Variants in CCDC39 observed in about 807,000 individuals in gnomAD.
The protein encoded by CCDC39 is coiled-coil domain-containing protein 39.
Under a neutral mutation model 121.0 loss-of-function variants are expected in CCDC39, and 113 were observed. The observed-to-expected ratio is 0.93, with a 90% CI of 0.80 to 1.09. The LOEUF (loss-of-function observed/expected upper bound fraction) is 1.09. Ranked by LOEUF, CCDC39 falls within the 50% of genes least tolerant of loss-of-function variation. The probability of loss-of-function intolerance (pLI) is 0.00; values close to 1 mark genes in which losing one functional copy is unlikely to be tolerated. For missense variants in CCDC39, 1,063 were observed against 1,074.7 expected (o/e 0.99, Z 0.15); for synonymous variants, 349 against 352.2 (o/e 0.99, Z 0.10).
chr3:180,637,149 C>T (rs1244118060), intron 13 of CCDC39, among the ~76,000 whole-genome samples: 4 of 152,042 alleles, frequency 2.6e-5, no homozygotes, highest in South Asian at 2.1e-4. Flanking sequence ...AGACAACCTA[C>T]AAAATGGGAG....
chr3:180,648,907 G>C (rs1411109535), intron 9 of CCDC39, among the ~76,000 whole-genome samples: 1 of 152,138 alleles, frequency 6.6e-6, no homozygotes. Context: ...ACTAAAGGCA[G>C]AGTTGGGAAG....
chr3:180,655,077 AT>A, intron 6 of CCDC39, 124 bp from the exon 7 acceptor site: 1 of 541,446 alleles, frequency 1.8e-6, no homozygotes, highest in Non-Finnish European at 3.0e-6. Context: ...CTTAGAAGAC[AT>A]TTTTAAATAC....
chr3:180,624,871 T>C (rs1237140420), intron 14 of CCDC39, among the ~76,000 whole-genome samples: 7 of 152,192 alleles, frequency 4.6e-5, no homozygotes, highest in Non-Finnish European at 7.4e-5. Context: ...ATAAGATTTC[T>C]GCTGAGAAGT....
chr3:180,623,951 G>A (rs1162678749), intron 14 of CCDC39, among the ~76,000 whole-genome samples: 12 of 151,968 alleles, frequency 7.9e-5, no homozygotes, highest in Non-Finnish European at 1.8e-4. Flanking sequence ...CGTCCATTTG[G>A]TCTAAAGCCC....
chr3:180,652,157 TCTTAC>T lies in CCDC39; in HGVS notation c.1034+1_1034+5del. The T allele has an allele frequency of 7.0e-7, 1 of 1,419,708 alleles. No homozygotes were observed. Among genetic ancestry groups the T allele is most frequent in the Non-Finnish European group, 9.5e-7 (1 of 1,047,212 alleles). The allele number at this position is 1,419,708 out of a possible 1,614,324, so 87.9% of individuals were successfully genotyped here. ...CATAAACATATTTAGATAGTTTTTT[TCTTAC>T]CTTGCTGTTTCTTCATGAATGTCCT... On this transcript the variant is annotated splice_donor_variant and splice_donor_5th_base_variant and intron_variant, in intron 8 of 19. Transcript: ENST00000476379. LOFTEE classifies it high-confidence loss of function.
intron 16 of CCDC39, 88 bp from the exon 17 acceptor site, chr3:180,617,054 T>G (rs1717274717): frequency 2.6e-6 from 2 of 757,192 alleles, no homozygotes; most frequent in Non-Finnish European, 4.0e-6. Flanking sequence ...TTAATTTTAA[T>G]TCATTTATTT....
chr3:180,636,686 C>A (rs1205223734), intron 13 of CCDC39, among the ~76,000 whole-genome samples: 1 of 152,144 alleles, frequency 6.6e-6, no homozygotes, highest in East Asian at 1.9e-4. Context: ...TCGAAGTACA[C>A]TACAGGGCTA....
chr3:180,658,466 C>T (rs1031594591), intron 6 of CCDC39, among the ~76,000 whole-genome samples: 8 of 151,164 alleles, frequency 5.3e-5, no homozygotes, highest in East Asian at 3.9e-4. Flanking sequence ...GGCATGGTGG[C>T]GGGCACCTGT....
At chr3:180,634,913 GT>G (rs1412093255) in intron 13 of CCDC39, among the ~76,000 whole-genome samples, 1 of 152,104 alleles carries the variant, frequency 6.6e-6, no homozygotes, top group East Asian at 1.9e-4. Flanking sequence ...AAAGAAATCT[GT>G]TGACTGTACT....
At chr3:180,618,958 G>A (rs1182700411) in intron 16 of CCDC39, among the ~76,000 whole-genome samples, 1 of 152,038 alleles carries the variant, frequency 6.6e-6, no homozygotes, top group Non-Finnish European at 1.5e-5. Flanking sequence ...CAATCTTAAT[G>A]TGATCTTTAA....
intron 6 of CCDC39, 26 bp from the exon 7 acceptor site, chr3:180,654,979 T>G: frequency 7.3e-7 from 1 of 1,374,314 alleles, no homozygotes. Context: ...ATATGTTTAC[T>G]TAAATATATG....
rs1283265340 is a variant in CCDC39 at position 180,631,448 on chromosome 3, CTG to C, written c.1998+19_1998+20del. 1.3e-6 allele frequency: 2 copies of C among 1,588,128 alleles called. No individual in the cohort carries two copies. Among genetic ancestry groups the C allele is most frequent in the East Asian group, 2.2e-5 (1 of 44,740 alleles). On this transcript the variant is annotated intron_variant, in intron 14 of 19. Coordinates refer to ENST00000476379, the MANE Select transcript of CCDC39 (RefSeq NM_181426.2). ...CAAAGAAAATTTCATACCATCACAA[CTG>C]TGAATCAATTAAAATTACCTTTATT...
chr3:180,673,231 T>G (rs1020158054), intron 1 of CCDC39, among the ~76,000 whole-genome samples: 2 of 152,238 alleles, frequency 1.3e-5, no homozygotes, highest in Non-Finnish European at 2.9e-5. Context: ...TATTGGAGAA[T>G]TGACTCCACC....
chr3:180,637,837 C>A (rs1229359980), intron 13 of CCDC39, among the ~76,000 whole-genome samples: 1 of 152,104 alleles, frequency 6.6e-6, no homozygotes, highest in Non-Finnish European at 1.5e-5. Flanking sequence ...AACAGAAAAC[C>A]AAACACTGCA....
chr3:180,653,281 A>C (rs1229319522), intron 7 of CCDC39, among the ~76,000 whole-genome samples: 2 of 152,330 alleles, frequency 1.3e-5, no homozygotes, highest in East Asian at 3.9e-4. Context: ...CTACAAAGAC[A>C]TCTGCCCAGC....
chr3:180,648,397 A>T (rs777079844), intron 9 of CCDC39, 38 bp from the exon 10 acceptor site: 2 of 1,281,838 alleles, frequency 1.6e-6, no homozygotes. Flanking sequence ...GGAATTAAAT[A>T]TATTGAAATG....
chr3:180,633,143 C>G (rs1576937897), intron 13 of CCDC39, among the ~76,000 whole-genome samples: 3 of 152,194 alleles, frequency 2.0e-5, no homozygotes, highest in East Asian at 1.9e-4. Context: ...TAGCACGAGC[C>G]TACAATCAGC....
rs766061750 is a variant in CCDC39, at chr3:180,679,336, G to T, written c.45C>A (p.Phe15Leu). 1 of 1,613,810 alleles carries T rather than the reference G, an allele frequency of 6.2e-7. No individual in the cohort carries two copies. ...TCTCCTCGTTCGCCACCGGGATGGC[G>T]AACCCATCCTCCCAGTGCAGCTCAG... ...FLAELHWEDG[F>L]AIPVANEENK... Residue 15 changes from phenylalanine (F) to leucine (L), a missense_variant, in exon 1 of 20, where the codon TTC becomes TTA. Phe to Leu is a conservative substitution (Grantham distance 22). Transcript: ENST00000476379. The surrounding 1 kb of genome is among the most constrained non-coding windows in gnomAD (Gnocchi z 4.0).
chr3:180,631,377 T>C, intron 14 of CCDC39, 92 bp downstream of exon 14: 1 of 1,203,400 alleles, frequency 8.3e-7, no homozygotes. Context: ...GTTGCAATAT[T>C]GTTGTTTTTT....
Sources: gnomAD v4.1 joint callset for allele counts (sites outside exome capture counted in the v4.1 genomes callset) on GRCh38, gnomAD v4.1.1 for gene constraint, Gnocchi (gnomAD v3.1) non-coding constraint, MANE v1.5 for transcripts, NCBI Gene and HGNC (gene_info 2026-07-23, HGNC 2026-07-21) for gene names.